The following ZBED6 variants were observed in gnomAD, a reference collection of about 807,000 sequenced individuals.
ZBED6 encodes zinc finger BED domain-containing protein 6.
ZBED6 carries 40 observed loss-of-function variants against 58.4 expected under a neutral mutation model. The ratio of observed to expected loss-of-function variants is 0.68; its 90% CI spans 0.53 to 0.89. The LOEUF (loss-of-function observed/expected upper bound fraction) is 0.89, where lower values mean the gene tolerates loss of function less well. ZBED6 is among the 40% of genes least tolerant of loss of function. ZBED6 has a pLI of 0.00. For missense variants in ZBED6, 1,057 were observed against 1,003.9 expected (o/e 1.05, Z -0.71); for synonymous variants, 439 against 350.6 (o/e 1.25, Z -2.82).
chr1:203,829,664 G>A lies in ZBED6; in HGVS notation c.*3201+10G>A. ...GATGAAGATGATGATGGTAAGTTCT[G>A]TCTGGCTCCTTCTTTAAGGCAAATA... On this transcript the variant is annotated intron_variant, in intron 5 of 16. Transcript: ENST00000550078. 6.2e-7 allele frequency: 1 copy of A among 1,614,216 alleles called. No individual in the cohort carries two copies. Among genetic ancestry groups the A allele is most frequent in the Non-Finnish European group, 8.5e-7 (1 of 1,180,022 alleles).
chr1:203,820,622 C>A (rs1037505632), intron 3 of ZBED6, among the ~76,000 whole-genome samples: 2 of 151,920 alleles, frequency 1.3e-5, no homozygotes, highest in African/African-American at 4.8e-5. Context: ...GGACAACGGG[C>A]ATGCCTCACC....
At chr1:203,828,699 T>G (rs764335652) in intron 4 of ZBED6, among the ~76,000 whole-genome samples, 2 of 152,218 alleles carry the variant, frequency 1.3e-5, no homozygotes, top group Non-Finnish European at 2.9e-5. Context: ...AATTTGATTT[T>G]CTAGGTCAAA....
In ZBED6 at chr1:203,817,462, T is replaced by C. The variant is rs140200931; in HGVS notation, c.*2753+338T>C. Among the ~76,000 whole-genome samples the C allele has an allele frequency of 2.6e-3, 392 of 150,732 alleles. 4 individuals carry two copies. Among genetic ancestry groups the C allele is most frequent in the Middle Eastern group, 0.011 (3 of 284 alleles). Reference sequence around the variant, plus strand: ...TAACTTTGATTTTATATACTTCATATTAAATGAGTGAGTGAATAGTTAGTG... The same window carrying C: ...TAACTTTGATTTTATATACTTCATACTAAATGAGTGAGTGAATAGTTAGTG... On this transcript the variant is annotated intron_variant, in intron 2 of 16. Transcript: ENST00000550078.
chr1:203,842,634 T>A (rs1173299998), intron 11 of ZBED6, among the ~76,000 whole-genome samples: 1 of 150,850 alleles, frequency 6.6e-6, no homozygotes, highest in Non-Finnish European at 1.5e-5. Flanking sequence ...TCTTTTTTTT[T>A]TTTTTTTAAG....
chr1:203,832,303 C>T (rs1259118993), intron 8 of ZBED6, among the ~76,000 whole-genome samples: 3 of 151,738 alleles, frequency 2.0e-5, no homozygotes, highest in African/African-American at 4.8e-5. Flanking sequence ...TCAGGTGATC[C>T]GCCCGCCTTG....
chr1:203,822,554 G>A (rs1679136338), intron 3 of ZBED6, among the ~76,000 whole-genome samples: 1 of 151,994 alleles, frequency 6.6e-6, no homozygotes, highest in Non-Finnish European at 1.5e-5. Flanking sequence ...TCTGTACCAG[G>A]TTCCCTTGGG....
rs1363979535 is a variant in ZBED6, at chr1:203,799,141, T to G, written c.1619T>G (p.Leu540Ter). 2 of 1,505,094 alleles carry G rather than the reference T, an allele frequency of 1.3e-6. No individual in the cohort carries two copies. Among genetic ancestry groups the G allele is most frequent in the African/African-American group, 1.4e-5 (1 of 72,380 alleles). The allele number at this position is 1,505,094 out of a possible 1,614,324, so 93.2% of individuals were successfully genotyped here. Residue 540 changes from leucine (L) to a stop codon, truncating the protein, a stop_gained, in exon 1 of 17, where the codon TTA (leucine) becomes TGA (stop). Coordinates refer to ENST00000550078, the Ensembl canonical transcript of ZBED6. LOFTEE classifies it high-confidence loss of function. ...AAAGACTGTTTGATAACCAATATTT[T>G]ACAAGAATTAAATGACCAGATTGGT...
intron 3 of ZBED6, among the ~76,000 whole-genome samples, chr1:203,820,579 G>A (rs1678270577): frequency 6.6e-6 from 1 of 151,634 alleles, no homozygotes; most frequent in Admixed American, 6.6e-5. Context: ...CTGAGTTCAT[G>A]TGATTCTTGT....
intron 3 of ZBED6, among the ~76,000 whole-genome samples, chr1:203,823,914 G>A (rs183327404): frequency 2.8e-4 from 43 of 152,148 alleles, no homozygotes; most frequent in South Asian, 1.7e-3. Context: ...TTATTGATAC[G>A]GAAATAATCA....
intron 8 of ZBED6, among the ~76,000 whole-genome samples, chr1:203,833,002 G>A (rs1682895650): frequency 1.3e-5 from 2 of 152,316 alleles, no homozygotes; most frequent in East Asian, 3.9e-4. Flanking sequence ...GGGAGGCTGA[G>A]GCGGGCGGAT....
chr1:203,836,711 G>A lies in ZBED6; in HGVS notation c.*3574-1255G>A, dbSNP rs540795976. On this transcript the variant is annotated intron_variant, in intron 9 of 16. Transcript: ENST00000550078. ...GAATCGCTTGAACCCGGGAGGTGGA[G>A]GTGGCAGTGAGCTGAGATCTTCCCA... is the stretch of plus-strand genomic sequence containing the variant. 6.6e-5 allele frequency among the ~76,000 whole-genome samples: 10 copies of A among 152,340 alleles called. No homozygotes were observed. In the South Asian group the frequency reaches 1.9e-3, roughly 28 times the overall value.
At chr1:203,820,106 G>A (rs1380727719) in intron 3 of ZBED6, among the ~76,000 whole-genome samples, 2 of 151,772 alleles carry the variant, frequency 1.3e-5, no homozygotes, top group South Asian at 4.2e-4. Context: ...GTGGTGGCAC[G>A]CGTCTGTAAT....
exon 5 of ZBED6, chr1:203,829,530 T>C (rs558550778): frequency 6.9e-5 from 111 of 1,613,918 alleles, no homozygotes; most frequent in African/African-American, 1.2e-4. Flanking sequence ...ACAAATTGTC[T>C]GTCCAGTCCA....
intron 3 of ZBED6, among the ~76,000 whole-genome samples, chr1:203,821,255 A>T (rs1411204232): frequency 6.6e-6 from 1 of 152,122 alleles, no homozygotes; most frequent in East Asian, 1.9e-4. Flanking sequence ...ACCTCCTGCC[A>T]TAATTATAAG....
intron 9 of ZBED6, 169 bp downstream of exon 9, chr1:203,834,022 G>A (rs1683378659): frequency 7.8e-7 from 1 of 1,274,828 alleles, no homozygotes; most frequent in African/African-American, 1.5e-5. Context: ...TTTTATTGAA[G>A]ATACAGAGAT....
intron 3 of ZBED6, 105 bp from the exon 4 acceptor site, chr1:203,828,194 C>G: frequency 7.3e-7 from 1 of 1,361,048 alleles, no homozygotes; most frequent in Non-Finnish European, 1.0e-6. Flanking sequence ...TCTCACATGC[C>G]TCGGATTTTT....
intron 7 of ZBED6, 74 bp from the exon 8 acceptor site, chr1:203,831,583 TACAA>T: frequency 3.0e-6 from 4 of 1,318,484 alleles, no homozygotes; most frequent in Non-Finnish European, 4.3e-6. Context: ...CTTAACTGGT[TACAA>T]AAACAAATTT....
At chr1:203,803,581 A>G (rs1439634578) in intron 1 of ZBED6, among the ~76,000 whole-genome samples, 1 of 152,164 alleles carries the variant, frequency 6.6e-6, no homozygotes, top group East Asian at 1.9e-4. Context: ...CTGTAATTCC[A>G]TCTCCTTGGA....
chr1:203,841,945 T>G (rs1206674992), intron 11 of ZBED6, among the ~76,000 whole-genome samples: 3 of 120,492 alleles, frequency 2.5e-5, no homozygotes, highest in Non-Finnish European at 5.0e-5. Context: ...GCAGAGACAC[T>G]CCTCAGTTCC....
Sources: allele counts gnomAD v4.1 joint callset (sites outside exome capture counted in the v4.1 genomes callset), GRCh38; gene constraint gnomAD v4.1.1; transcripts MANE v1.5; gene names NCBI Gene and HGNC (gene_info 2026-07-23, HGNC 2026-07-21).